The following DAB1 variants were observed in gnomAD, a reference collection of about 807,000 sequenced individuals.
DAB1 encodes the protein disabled homolog 1.
A neutral mutation model predicts 64.6 loss-of-function variants in DAB1; 15 were observed. That is an observed-to-expected ratio of 0.23 (90% CI 0.16 to 0.36). The LOEUF (loss-of-function observed/expected upper bound fraction) is 0.36. DAB1 is among the 10% of genes least tolerant of loss of function. The pLI is 1.00. For synonymous variants in DAB1, 235 were observed against 251.9 expected, an observed-to-expected ratio of 0.93 and a Z score of 0.64; for missense variants, 596 against 706.7, an observed-to-expected ratio of 0.84 and a Z score of 1.78.
At chr1:57,631,805 T>A (rs925463799) in intron 7 of DAB1, among the ~76,000 whole-genome samples, 1 of 152,214 alleles carries the variant, frequency 6.6e-6, no homozygotes, top group Admixed American at 6.5e-5. Flanking sequence ...CAGGGAAATG[T>A]ACCAGGACCC....
chr1:57,775,705 T>C (rs540740678), intron 6 of DAB1, among the ~76,000 whole-genome samples: 2 of 151,818 alleles, frequency 1.3e-5, no homozygotes, highest in African/African-American at 4.8e-5. Flanking sequence ...TTTTATAAAA[T>C]ATTATTTCAA....
chr1:57,577,608 G>T (rs1233586498), intron 7 of DAB1, among the ~76,000 whole-genome samples: 1 of 152,172 alleles, frequency 6.6e-6, no homozygotes. Flanking sequence ...AAGGCCACAT[G>T]TGTGGGTGGC....
intron 10 of DAB1, among the ~76,000 whole-genome samples, 195 bp from the exon 11 acceptor site, chr1:57,023,834 G>T (rs183891292): frequency 6.6e-6 from 1 of 152,302 alleles, no homozygotes; most frequent in African/African-American, 2.4e-5. Context: ...CTACTGTGAG[G>T]ATTAAGTGAG....
intron 1 of DAB1, among the ~76,000 whole-genome samples, chr1:57,376,293 A>G (rs1244554909): frequency 1.3e-5 from 2 of 152,176 alleles, no homozygotes; most frequent in East Asian, 1.9e-4. Flanking sequence ...CTGATCATCA[A>G]TGGGCAAGGA....
At chr1:57,188,144 G>T (rs770814373) in intron 2 of DAB1, among the ~76,000 whole-genome samples, 5 of 152,214 alleles carry the variant, frequency 3.3e-5, no homozygotes, top group African/African-American at 9.6e-5. Flanking sequence ...TTTCTTTCTC[G>T]AGTCACTGAT....
intron 4 of DAB1, among the ~76,000 whole-genome samples, chr1:58,302,776 G>A (rs981153930): frequency 1.3e-5 from 2 of 152,072 alleles, no homozygotes; most frequent in African/African-American, 4.8e-5. Context: ...AAAGTGACAA[G>A]AGTAAATAAT....
Position 57,674,932 on chromosome 1 carries a change from C to T in DAB1, n.552-25267G>A, listed in dbSNP as rs147547167. ...GGCTTCACTACATTTTCCAGTCTTG[C>T]TTGCAGTTGGTTTGAAGCCCTGTTA... On this transcript the variant is annotated intron_variant and non_coding_transcript_variant, in intron 6 of 20. Coordinates refer to the DAB1 transcript ENST00000485760. 7.6e-3 allele frequency among the ~76,000 whole-genome samples: 1,156 copies of T among 152,306 alleles called. 13 individuals carry two copies. The highest frequency in any genetic ancestry group is 0.027 in the African/African-American group (1,111 of 41,570).
chr1:57,329,220 A>G (rs1450606898), intron 1 of DAB1, among the ~76,000 whole-genome samples: 1 of 152,058 alleles, frequency 6.6e-6, no homozygotes, highest in Non-Finnish European at 1.5e-5. Flanking sequence ...AGGTCACAAA[A>G]CTAATTAGTG....
At chr1:58,355,080 TTA>T (rs1189837479) in intron 3 of DAB1, among the ~76,000 whole-genome samples, 1 of 152,184 alleles carries the variant, frequency 6.6e-6, no homozygotes, top group Non-Finnish European at 1.5e-5. Flanking sequence ...GTTCTGGGTG[TTA>T]TAAGAAACTT....
At chr1:57,556,629 T>A (rs1644992135) in intron 7 of DAB1, among the ~76,000 whole-genome samples, 1 of 152,190 alleles carries the variant, frequency 6.6e-6, no homozygotes, top group South Asian at 2.1e-4. Context: ...ATGAGATTGT[T>A]TGGTTTTTTC....
At chr1:58,300,292 T>G (rs1029409972) in intron 4 of DAB1, among the ~76,000 whole-genome samples, 4 of 152,000 alleles carry the variant, frequency 2.6e-5, no homozygotes, top group African/African-American at 9.7e-5. Flanking sequence ...ATGCCTGTAA[T>G]CCCAGCACTT....
At chr1:57,682,158 A>G (rs1646643406) in intron 6 of DAB1, among the ~76,000 whole-genome samples, 1 of 152,070 alleles carries the variant, frequency 6.6e-6, no homozygotes, top group Non-Finnish European at 1.5e-5. Flanking sequence ...TCAGGAATCA[A>G]AAGAGAATTT....
chr1:57,213,937 T>A (rs1666222720), intron 2 of DAB1, among the ~76,000 whole-genome samples: 1 of 152,190 alleles, frequency 6.6e-6, no homozygotes, highest in South Asian at 2.1e-4. Context: ...GTCTTAGACA[T>A]GAGTCAGATT....
intron 4 of DAB1, among the ~76,000 whole-genome samples, chr1:57,112,199 C>T (rs945298018): frequency 6.6e-6 from 1 of 152,178 alleles, no homozygotes; most frequent in African/African-American, 2.4e-5. Context: ...AAGTTTGCTT[C>T]CAGCTAGGAG....
At chr1:57,919,377 T>C (rs1206202674) in intron 5 of DAB1, among the ~76,000 whole-genome samples, 1 of 152,206 alleles carries the variant, frequency 6.6e-6, no homozygotes, top group Non-Finnish European at 1.5e-5. Flanking sequence ...CATGTAGACA[T>C]GTAAGTTTCT....
intron 3 of DAB1, among the ~76,000 whole-genome samples, chr1:58,458,841 A>AC (rs1645216701): frequency 6.6e-6 from 1 of 152,142 alleles, no homozygotes; most frequent in African/African-American, 2.4e-5. Flanking sequence ...AAAAAAAAAA[A>AC]ACGGTTTGCA....
intron 4 of DAB1, among the ~76,000 whole-genome samples, chr1:58,243,511 G>GTT (rs939747329): frequency 1.3e-5 from 2 of 150,976 alleles, no homozygotes; most frequent in African/African-American, 2.4e-5. Flanking sequence ...TATGGCTGGG[G>GTT]TTTTTTTTTA....
intron 4 of DAB1, among the ~76,000 whole-genome samples, chr1:57,118,849 T>C (rs1373010778): frequency 6.6e-6 from 1 of 151,776 alleles, no homozygotes; most frequent in Non-Finnish European, 1.5e-5. Context: ...TGATGAATAA[T>C]CTGGGGTACA....
intron 9 of DAB1, among the ~76,000 whole-genome samples, chr1:57,042,195 G>GA (rs370549344): frequency 1.1e-3 from 168 of 152,292 alleles, no homozygotes; most frequent in Non-Finnish European, 2.1e-3. Flanking sequence ...AGATGACCTG[G>GA]AAGGCAGCCT....
Sources: allele counts gnomAD v4.1 joint callset (sites outside exome capture counted in the v4.1 genomes callset), GRCh38; gene constraint gnomAD v4.1.1; transcripts MANE v1.5; gene names NCBI Gene and HGNC (gene_info 2026-07-23, HGNC 2026-07-21).